The following FRMD6 variants were observed in gnomAD, a reference collection of about 807,000 sequenced individuals.
The protein encoded by FRMD6 is FERM domain-containing protein 6.
A neutral mutation model predicts 73.2 loss-of-function variants in FRMD6; 37 were observed. The ratio of observed to expected loss-of-function variants is 0.51; its 90% confidence interval spans 0.39 to 0.66. FRMD6 has a LOEUF of 0.66. Ranked by LOEUF, FRMD6 falls within the 30% of genes least tolerant of loss-of-function variation. The pLI, the probability that FRMD6 is intolerant of heterozygous loss-of-function variation, is 0.00. For synonymous variants in FRMD6, 273 were observed against 282.2 expected, an observed-to-expected ratio of 0.97 and a Z score of 0.33; for missense variants, 714 against 780.5, an observed-to-expected ratio of 0.91 and a Z score of 1.02.
At chr14:51,662,510 C>G (rs1355340805) in intron 1 of FRMD6, among the ~76,000 whole-genome samples, 3 of 152,172 alleles carry the variant, frequency 2.0e-5, no homozygotes, top group African/African-American at 7.2e-5. Context: ...CTGCAGCTGT[C>G]TGATTTGTGA....
chr14:51,402,495 C>T, the FRMD6 span, among the ~76,000 whole-genome samples: 1 of 152,156 alleles, frequency 6.6e-6, no homozygotes, highest in Non-Finnish European at 1.5e-5. Flanking sequence ...CCTCTCTTTG[C>T]CTGCTGCCAT....
intron 1 of FRMD6, among the ~76,000 whole-genome samples, chr14:51,506,438 G>A (rs1330504184): frequency 6.6e-6 from 1 of 152,240 alleles, no homozygotes; most frequent in East Asian, 1.9e-4. Flanking sequence ...ATTACAGAAG[G>A]TGCCAGAGGG....
chr14:51,534,284 A>G (rs1214605895), intron 1 of FRMD6, among the ~76,000 whole-genome samples: 1 of 152,168 alleles, frequency 6.6e-6, no homozygotes, highest in Non-Finnish European at 1.5e-5. Flanking sequence ...TAATATCACT[A>G]TTACAGGGAG....
chr14:51,707,397 GC>G (rs1896686594), intron 6 of FRMD6, among the ~76,000 whole-genome samples: 2 of 152,248 alleles, frequency 1.3e-5, no homozygotes, highest in African/African-American at 4.8e-5. Context: ...TATGGAATCA[GC>G]TAAGACTTTA....
At chr14:51,534,568 C>G (rs980578593) in intron 1 of FRMD6, among the ~76,000 whole-genome samples, 15 of 152,208 alleles carry the variant, frequency 9.9e-5, no homozygotes, top group African/African-American at 3.4e-4. Context: ...TTTGCCCAGA[C>G]AGCTGTCACA....
At chr14:51,699,991 C>G (rs1302799119) in intron 3 of FRMD6, among the ~76,000 whole-genome samples, 4 of 151,914 alleles carry the variant, frequency 2.6e-5, no homozygotes, top group Admixed American at 1.3e-4. Context: ...AATTGGTTAA[C>G]TTAATGTCGT....
chr14:51,609,724 C>T (rs111630501), intron 2 of FRMD6, among the ~76,000 whole-genome samples: 7 of 152,098 alleles, frequency 4.6e-5, no homozygotes, highest in Admixed American at 1.3e-4. Flanking sequence ...GCAGGAGATG[C>T]GGCTCAAGAG....
Position 51,708,066 on chromosome 14 carries a change from G to T in FRMD6, c.559-12G>T. On this transcript the variant is annotated splice_polypyrimidine_tract_variant and intron_variant, in intron 6 of 13. Coordinates refer to ENST00000344768, the MANE Select transcript of FRMD6 (RefSeq NM_001267046.2). ...ACAAATGTTGCATTGCACACCCCTT[G>T]TATCCCAACAGGTTGTTTCCAAGAG... 6.2e-7 allele frequency: 1 copy of T among 1,612,540 alleles called. No individual in the cohort carries two copies. The highest frequency in any genetic ancestry group is 8.5e-7 in the Non-Finnish European group (1 of 1,179,038).
chr14:51,683,702 T>C (rs1594726882), intron 1 of FRMD6, among the ~76,000 whole-genome samples: 1 of 152,180 alleles, frequency 6.6e-6, no homozygotes, highest in Non-Finnish European at 1.5e-5. Context: ...ATACTACAGA[T>C]GTTACAGATG....
intron 1 of FRMD6, among the ~76,000 whole-genome samples, chr14:51,684,161 T>TAA (rs35178247): frequency 2.8e-5 from 4 of 145,260 alleles, no homozygotes; most frequent in Non-Finnish European, 4.6e-5. Context: ...AAATGACCCT[T>TAA]AAAAAAAAAA....
chr14:51,567,010 A>G (rs1262659099), intron 1 of FRMD6, among the ~76,000 whole-genome samples: 1 of 152,180 alleles, frequency 6.6e-6, no homozygotes, highest in Non-Finnish European at 1.5e-5. Flanking sequence ...GCTACAGATG[A>G]GCAAAGCAGC....
At chr14:51,541,835 A>C (rs1159023611) in intron 1 of FRMD6, among the ~76,000 whole-genome samples, 2 of 152,048 alleles carry the variant, frequency 1.3e-5, no homozygotes. Context: ...TAGGCCCTGG[A>C]GTTGTGTCAT....
chr14:51,683,331 A>C (rs1333269780), intron 1 of FRMD6, among the ~76,000 whole-genome samples: 1 of 152,022 alleles, frequency 6.6e-6, no homozygotes, highest in East Asian at 1.9e-4. Context: ...GTGCTGTGGC[A>C]CAGTCATTGC....
chr14:51,572,820 A>AG (rs1775226243), intron 2 of FRMD6, among the ~76,000 whole-genome samples: 2 of 152,236 alleles, frequency 1.3e-5, no homozygotes, highest in African/African-American at 4.8e-5. Flanking sequence ...TTTACTTTCC[A>AG]TCAACTAAGC....
intron 13 of FRMD6, among the ~76,000 whole-genome samples, chr14:51,727,355 A>G (rs1213291960): frequency 6.6e-6 from 1 of 151,436 alleles, no homozygotes; most frequent in East Asian, 1.9e-4. Context: ...ACCTTATTTC[A>G]AGATAATTAC....
Position 51,669,198 on chromosome 14 carries a change from G to A in FRMD6, c.-147+17202G>A, listed in dbSNP as rs1464119837. 2.0e-5 allele frequency among the ~76,000 whole-genome samples: 3 copies of A among 152,096 alleles called. No individual in the cohort carries two copies. In the East Asian group the frequency reaches 5.9e-4, roughly 30 times the overall value. On this transcript the variant is annotated intron_variant, in intron 1 of 13. Coordinates refer to ENST00000344768, the MANE Select transcript of FRMD6 (RefSeq NM_001267046.2). ...ATCTGGCCATGTTTCACTTTAGCAT[G>A]ATGTATTCATCCATTTTCTTGCACA...
chr14:51,561,165 G>A (rs1445357362), intron 1 of FRMD6, among the ~76,000 whole-genome samples: 1 of 152,146 alleles, frequency 6.6e-6, no homozygotes, highest in African/African-American at 2.4e-5. Context: ...TCTGTAGGAG[G>A]CAGTTACACC....
chr14:51,597,987 G>C lies in FRMD6; in HGVS notation c.-147+27577G>C, dbSNP rs116210768. 3.8e-3 allele frequency among the ~76,000 whole-genome samples: 571 copies of C among 152,214 alleles called. 1 individual carries two copies. The highest frequency in any genetic ancestry group is 0.013 in the African/African-American group (546 of 41,514). On this transcript the variant is annotated intron_variant, in intron 2 of 14. Coordinates refer to the FRMD6 transcript ENST00000356218. ...GGCTGCCCCCCAACCATCCATTTTT[G>C]CTGTTAATATGAATATGGAATTTGA...
chr14:51,726,259 T>G (rs187522341), intron 13 of FRMD6, among the ~76,000 whole-genome samples: 7 of 152,320 alleles, frequency 4.6e-5, no homozygotes, highest in African/African-American at 1.7e-4. Flanking sequence ...CCATTCAGAT[T>G]GAATTTTCAA....
Sources: gnomAD v4.1 joint callset for allele counts (sites outside exome capture counted in the v4.1 genomes callset) on GRCh38, gnomAD v4.1.1 for gene constraint, MANE v1.5 for transcripts, NCBI Gene and HGNC (gene_info 2026-07-23, HGNC 2026-07-21) for gene names.